ROBO2: variants seen among roughly 807,000 people sequenced by gnomAD.
The protein encoded by ROBO2 is roundabout guidance receptor 2.
In ROBO2, 53 loss-of-function variants were observed where a neutral mutation model predicts 160.8. That is an observed-to-expected ratio of 0.33 (90% confidence interval 0.26 to 0.41). The LOEUF (loss-of-function observed/expected upper bound fraction) is 0.41, where lower values mean the gene tolerates loss of function less well. Among genes scored for constraint, ROBO2 ranks in the 10% least tolerant of loss-of-function variants. ROBO2 has a pLI of 1.00. For synonymous variants in ROBO2, 664 were observed against 611.7 expected (o/e 1.09, Z -1.26); for missense variants, 1,577 against 1,722.4 (o/e 0.92, Z 1.49).
chr3:76,091,698 G>A (rs766919876), intron 2 of ROBO2, among the ~76,000 whole-genome samples: 2 of 152,158 alleles, frequency 1.3e-5, no homozygotes, highest in African/African-American at 4.8e-5. Flanking sequence ...GTAATTGAGA[G>A]TGTAAATAAA....
At chr3:76,376,093 T>C (rs780620943) in intron 2 of ROBO2, among the ~76,000 whole-genome samples, 3 of 152,164 alleles carry the variant, frequency 2.0e-5, no homozygotes, top group Non-Finnish European at 4.4e-5. Context: ...AAAGTACTTA[T>C]CATATTTGTT....
intron 2 of ROBO2, among the ~76,000 whole-genome samples, chr3:77,364,024 TA>T (rs891877008): frequency 6.6e-6 from 1 of 151,990 alleles, no homozygotes; most frequent in African/African-American, 2.4e-5. Context: ...CACAACAAAC[TA>T]AAAAAATGAA....
At chr3:77,497,422 C>T (rs2086942249) in intron 5 of ROBO2, among the ~76,000 whole-genome samples, 1 of 152,058 alleles carries the variant, frequency 6.6e-6, no homozygotes, top group Admixed American at 6.6e-5. Context: ...TTGGGTTTAC[C>T]TACATTTAGT....
At chr3:77,221,715 A>C (rs2085817159) in intron 2 of ROBO2, among the ~76,000 whole-genome samples, 1 of 152,222 alleles carries the variant, frequency 6.6e-6, no homozygotes, top group African/African-American at 2.4e-5. Flanking sequence ...TTTGGAAAAG[A>C]TCTATAAAAT....
At chr3:76,393,940 A>G (rs979190847) in intron 2 of ROBO2, among the ~76,000 whole-genome samples, 2 of 152,176 alleles carry the variant, frequency 1.3e-5, no homozygotes, top group Non-Finnish European at 2.9e-5. Context: ...AGGGGTGTAG[A>G]GGGAAAGAAA....
chr3:76,967,897 C>T (rs1253975864), intron 2 of ROBO2, among the ~76,000 whole-genome samples: 1 of 152,016 alleles, frequency 6.6e-6, no homozygotes, highest in Non-Finnish European at 1.5e-5. Flanking sequence ...TGCTTATCTC[C>T]GTTTTAGATA....
At chr3:75,910,364 A>G (rs1386049886) in intron 1 of ROBO2, among the ~76,000 whole-genome samples, 1 of 152,232 alleles carries the variant, frequency 6.6e-6, no homozygotes, top group Admixed American at 6.5e-5. Flanking sequence ...CATGCCTATG[A>G]GGTCATGCTT....
chr3:76,616,983 T>C (rs2088635239), intron 2 of ROBO2, among the ~76,000 whole-genome samples: 1 of 152,120 alleles, frequency 6.6e-6, no homozygotes, highest in South Asian at 2.1e-4. Context: ...TCACTGACCT[T>C]AGCTACTCAG....
intron 2 of ROBO2, among the ~76,000 whole-genome samples, chr3:77,235,448 G>A (rs530284113): frequency 6.6e-6 from 1 of 151,664 alleles, no homozygotes; most frequent in Non-Finnish European, 1.5e-5. Flanking sequence ...TGCCTCCCGG[G>A]TTCACGCCAG....
At chr3:76,381,105 CAGAT>C (rs2076599689) in intron 2 of ROBO2, among the ~76,000 whole-genome samples, 1 of 149,782 alleles carries the variant, frequency 6.7e-6, no homozygotes, top group African/African-American at 2.5e-5. Flanking sequence ...AAAACAGACA[CAGAT>C]AGATAGCAAC....
chr3:77,174,124 A>C (rs973588700), intron 2 of ROBO2, among the ~76,000 whole-genome samples: 5 of 152,068 alleles, frequency 3.3e-5, no homozygotes, highest in African/African-American at 1.2e-4. Flanking sequence ...TCTATCCCCC[A>C]GTTAGGTTGT....
chr3:76,923,919 T>C (rs938493063), intron 2 of ROBO2, among the ~76,000 whole-genome samples: 2 of 152,254 alleles, frequency 1.3e-5, no homozygotes, highest in African/African-American at 2.4e-5. Context: ...CATTTCTTCT[T>C]AACTCATTGT....
chr3:76,998,769 T>C (rs1309848380), intron 2 of ROBO2, among the ~76,000 whole-genome samples: 1 of 152,156 alleles, frequency 6.6e-6, no homozygotes, highest in East Asian at 1.9e-4. Context: ...GCCTATGTGC[T>C]GGCAATTCTC....
intron 2 of ROBO2, among the ~76,000 whole-genome samples, chr3:76,477,471 C>G (rs181362786): frequency 2.0e-5 from 3 of 152,084 alleles, no homozygotes; most frequent in Admixed American, 2.0e-4. Flanking sequence ...AGTTTTACAA[C>G]AAAATACAGT....
intron 2 of ROBO2, among the ~76,000 whole-genome samples, chr3:76,010,114 A>T (rs2066150746): frequency 6.6e-6 from 1 of 152,246 alleles, no homozygotes; most frequent in Admixed American, 6.5e-5. Flanking sequence ...GTATGTCTTT[A>T]AAACTTAATA....
At chr3:77,561,898 G>A (rs2153661466) in intron 9 of ROBO2, among the ~76,000 whole-genome samples, 1 of 152,166 alleles carries the variant, frequency 6.6e-6, no homozygotes, top group Admixed American at 6.5e-5. Context: ...GAGGTCAAGA[G>A]TTCGAGACCA....
At chr3:77,614,457 A>G (rs2094720456) in intron 21 of ROBO2, among the ~76,000 whole-genome samples, 1 of 152,202 alleles carries the variant, frequency 6.6e-6, no homozygotes. Context: ...TTTGTAACAC[A>G]CTAGTGTGTG....
chr3:76,964,403 C>A (rs543116825), intron 2 of ROBO2, among the ~76,000 whole-genome samples: 1 of 152,192 alleles, frequency 6.6e-6, no homozygotes, highest in East Asian at 1.9e-4. Flanking sequence ...AGCGCAGTGG[C>A]GTGATCTCAG....
intron 2 of ROBO2, among the ~76,000 whole-genome samples, chr3:76,489,675 G>C (rs1010682180): frequency 2.0e-5 from 3 of 151,892 alleles, no homozygotes; most frequent in African/African-American, 7.3e-5. Context: ...GTTACTTTGA[G>C]CAAAATAATT....
Sources: allele counts gnomAD v4.1 joint callset (sites outside exome capture counted in the v4.1 genomes callset), GRCh38; gene constraint gnomAD v4.1.1; transcripts MANE v1.5; gene names NCBI Gene and HGNC (gene_info 2026-07-23, HGNC 2026-07-21).